The following SUPT3H variants were observed in gnomAD, a reference collection of about 807,000 sequenced individuals.
SUPT3H encodes SPT3 homolog, SAGA and STAGA complex component.
SUPT3H carries 44 observed loss-of-function variants against 44.3 expected under a neutral mutation model. The ratio of observed to expected loss-of-function variants is 0.99; its 90% CI spans 0.78 to 1.28. The LOEUF is 1.28. SUPT3H is among the 50% of genes most tolerant of loss of function. The pLI, the probability that SUPT3H is intolerant of heterozygous loss-of-function variation, is 0.00. For missense variants in SUPT3H, 380 were observed against 387.1 expected (o/e 0.98, Z 0.15); for synonymous variants, 124 against 125.6 (o/e 0.99, Z 0.09).
At chr6:45,111,909 A>G (rs1800127023) in intron 2 of SUPT3H, among the ~76,000 whole-genome samples, 1 of 152,132 alleles carries the variant, frequency 6.6e-6, no homozygotes, top group Non-Finnish European at 1.5e-5. Flanking sequence ...AAAGATTACA[A>G]TAATGCTGCT....
At chr6:45,070,434 G>A (rs1289438831) in intron 3 of SUPT3H, among the ~76,000 whole-genome samples, 1 of 151,958 alleles carries the variant, frequency 6.6e-6, no homozygotes, top group Non-Finnish European at 1.5e-5. Flanking sequence ...CACATGCATG[G>A]ACAACAGCTG....
chr6:45,182,766 A>G (rs1349206774), intron 2 of SUPT3H, among the ~76,000 whole-genome samples: 1 of 152,234 alleles, frequency 6.6e-6, no homozygotes, highest in African/African-American at 2.4e-5. Flanking sequence ...CCATACACAC[A>G]GAAACACAAT....
At chr6:44,909,323 T>G (rs1412019590) in intron 10 of SUPT3H, among the ~76,000 whole-genome samples, 1 of 152,204 alleles carries the variant, frequency 6.6e-6, no homozygotes, top group East Asian at 1.9e-4. Flanking sequence ...TGTTTTGATA[T>G]TGGGCCTAGT....
chr6:45,166,175 C>T (rs1429262516), intron 2 of SUPT3H, among the ~76,000 whole-genome samples: 1 of 152,066 alleles, frequency 6.6e-6, no homozygotes, highest in East Asian at 1.9e-4. Context: ...CGCTTGTGGT[C>T]CCAGCTACTT....
At chr6:45,371,156 T>G (rs1795999050) in intron 1 of SUPT3H, among the ~76,000 whole-genome samples, 1 of 152,170 alleles carries the variant, frequency 6.6e-6, no homozygotes, top group Admixed American at 6.5e-5. Flanking sequence ...GACAAACATG[T>G]CAAAAAAATA....
chr6:45,337,328 T>C (rs1788777039), intron 2 of SUPT3H, among the ~76,000 whole-genome samples: 1 of 151,788 alleles, frequency 6.6e-6, no homozygotes, highest in Admixed American at 6.6e-5. Context: ...GCATTTTTCC[T>C]GTACGTACCT....
chr6:45,313,808 C>A (rs889624175), intron 2 of SUPT3H, among the ~76,000 whole-genome samples: 1 of 152,062 alleles, frequency 6.6e-6, no homozygotes, highest in Admixed American at 6.5e-5. Flanking sequence ...CAGCGTCACC[C>A]TAATAACAAA....
chr6:45,063,750 G>A (rs1367005940), intron 3 of SUPT3H, among the ~76,000 whole-genome samples: 2 of 134,368 alleles, frequency 1.5e-5, no homozygotes, highest in African/African-American at 2.9e-5. Flanking sequence ...GAGAAGGGAA[G>A]GTTAGAGAAA....
chr6:44,908,207 A>G (rs1766425481), intron 10 of SUPT3H, among the ~76,000 whole-genome samples: 1 of 147,212 alleles, frequency 6.8e-6, no homozygotes, highest in South Asian at 2.2e-4. Flanking sequence ...GCTGGAGTGC[A>G]GTGGAGCTAT....
intron 2 of SUPT3H, among the ~76,000 whole-genome samples, chr6:45,140,151 T>C (rs1311730328): frequency 6.6e-6 from 1 of 151,972 alleles, no homozygotes; most frequent in Non-Finnish European, 1.5e-5. Flanking sequence ...CCTAATCCCC[T>C]ATGGAAAATA....
intron 10 of SUPT3H, among the ~76,000 whole-genome samples, chr6:44,930,282 G>GAGAT (rs1770355510): frequency 6.6e-6 from 1 of 152,098 alleles, no homozygotes; most frequent in Non-Finnish European, 1.5e-5. Flanking sequence ...TCAGGAGGCT[G>GAGAT]AGATAGGAGA....
rs1489304456 is a variant in SUPT3H at position 45,240,622 on chromosome 6, G to A, written c.101+124579C>T. On this transcript the variant is annotated intron_variant, in intron 2 of 10. Transcript: ENST00000371459. ...AGAGGTGCTGCGCAGCGATTCCTATGGAATCATTGATTGGTCCCCTAAGGG... is the reference window on the plus strand; with the variant it reads ...AGAGGTGCTGCGCAGCGATTCCTATAGAATCATTGATTGGTCCCCTAAGGG... Among the ~76,000 whole-genome samples, 3 of 152,166 alleles carry A rather than the reference G, an allele frequency of 2.0e-5. No individual in the cohort carries two copies. The East Asian group carries it at 5.8e-4, about 29-fold the overall frequency.
intron 10 of SUPT3H, among the ~76,000 whole-genome samples, chr6:44,904,914 T>C (rs1210267316): frequency 1.3e-5 from 2 of 152,150 alleles, no homozygotes; most frequent in Non-Finnish European, 2.9e-5. Flanking sequence ...AAACAAGAAA[T>C]GGGAAAACGA....
In SUPT3H at chr6:45,157,971, AATT is replaced by A. The variant is rs1420844989; in HGVS notation, c.102-51968_102-51966del. Among the ~76,000 whole-genome samples, 3 of 150,686 alleles carry A rather than the reference AATT, an allele frequency of 2.0e-5. No individual in the cohort carries two copies. The East Asian group carries it at 5.8e-4, about 29-fold the overall frequency. On this transcript the variant is annotated intron_variant, in intron 2 of 10. Transcript: ENST00000371459. ...AACTTATAATTTCTGTAATTATAGT[AATT>A]ATTAATAATACGTAATTATAACTCC...
intron 6 of SUPT3H, among the ~76,000 whole-genome samples, chr6:44,970,108 T>A (rs907571300): frequency 6.6e-6 from 1 of 152,156 alleles, no homozygotes; most frequent in African/African-American, 2.4e-5. Flanking sequence ...TATTAATTAA[T>A]GTCATCATAG....
At chr6:44,878,843 C>A (rs1366525302) in intron 10 of SUPT3H, among the ~76,000 whole-genome samples, 1 of 152,210 alleles carries the variant, frequency 6.6e-6, no homozygotes, top group African/African-American at 2.4e-5. Flanking sequence ...CCTCCCTTAG[C>A]CAAGGGAAGC....
At chr6:45,302,514 AAT>A (rs10524207) in intron 2 of SUPT3H, among the ~76,000 whole-genome samples, 2,501 of 104,602 alleles carry the variant, frequency 0.024, 25 homozygotes, top group Non-Finnish European at 0.028. Context: ...GTATCTCAGG[AAT>A]ATATATATAT....
chr6:44,887,739 G>A (rs1762554336), intron 10 of SUPT3H, among the ~76,000 whole-genome samples: 1 of 151,364 alleles, frequency 6.6e-6, no homozygotes, highest in Admixed American at 6.6e-5. Context: ...ACATTCAAAA[G>A]CTAGCAGAAG....
intron 10 of SUPT3H, among the ~76,000 whole-genome samples, chr6:44,884,546 A>C (rs780986503): frequency 6.6e-6 from 1 of 152,216 alleles, no homozygotes; most frequent in Admixed American, 6.5e-5. Flanking sequence ...ACATATGTTT[A>C]CTGCAGCACT....
Sources: gnomAD v4.1 joint callset for allele counts (sites outside exome capture counted in the v4.1 genomes callset) on GRCh38, gnomAD v4.1.1 for gene constraint, MANE v1.5 for transcripts, NCBI Gene and HGNC (gene_info 2026-07-23, HGNC 2026-07-21) for gene names.